PDE1B: variants seen among roughly 807,000 people sequenced by gnomAD.
PDE1B encodes dual specificity calcium/calmodulin-dependent 3',5'-cyclic nucleotide phosphodiesterase 1B.
A neutral mutation model predicts 66.7 loss-of-function variants in PDE1B; 13 were observed. The ratio of observed to expected loss-of-function variants is 0.19; its 90% CI spans 0.13 to 0.31. The LOEUF (loss-of-function observed/expected upper bound fraction) is 0.31. Among genes scored for constraint, PDE1B ranks in the 10% least tolerant of loss-of-function variants. The pLI is 1.00. For missense variants in PDE1B, 485 were observed against 682.3 expected (o/e 0.71, Z 3.22); for synonymous variants, 230 against 253.9 (o/e 0.91, Z 0.90).
Position 54,577,222 on chromosome 12 carries a change from C to T in PDE1B, c.1508-3C>T, listed in dbSNP as rs781673925. 1.4e-5 allele frequency: 23 copies of T among 1,612,274 alleles called. No homozygotes were observed. The highest frequency in any genetic ancestry group is 3.3e-5 in the Admixed American group (2 of 59,954). On this transcript the variant is annotated splice_region_variant and splice_polypyrimidine_tract_variant and intron_variant, in intron 14 of 15. Transcript: ENST00000243052. ...GCTCAGCCTCCTTTATGCTCCTCTA[C>T]AGGCATCACCAACCAGATGTCCATT...
intron 15 of PDE1B, 50 bp downstream of exon 15, chr12:54,577,395 A>C: frequency 6.2e-7 from 1 of 1,608,866 alleles, no homozygotes; most frequent in South Asian, 1.1e-5. Flanking sequence ...CTATCATGGC[A>C]TCTTTGTTGG....
At chr12:54,561,062 G>T (rs1002325499) in intron 2 of PDE1B, among the ~76,000 whole-genome samples, 1 of 152,100 alleles carries the variant, frequency 6.6e-6, no homozygotes, top group Admixed American at 6.5e-5. Context: ...GTGGGTTAAA[G>T]CTCGTTTTGA....
At chr12:54,574,068 A>T in intron 10 of PDE1B, 1 of 244,138 alleles carries the variant, frequency 4.1e-6, no homozygotes, top group East Asian at 9.8e-5. Flanking sequence ...ATTACCTCTG[A>T]AATGGTGAAA....
intron 2 of PDE1B, among the ~76,000 whole-genome samples, chr12:54,566,279 A>T (rs1000041635): frequency 2.0e-5 from 3 of 152,222 alleles, no homozygotes; most frequent in African/African-American, 7.2e-5. Flanking sequence ...GGATGGGTAC[A>T]GTAACTCTGT....
At chr12:54,566,531 T>C (rs567251644) in intron 2 of PDE1B, among the ~76,000 whole-genome samples, 26 of 152,326 alleles carry the variant, frequency 1.7e-4, no homozygotes, top group African/African-American at 6.3e-4. Context: ...TTGGGGGCTA[T>C]CTTGATTGCT....
chr12:54,574,928 T>C (rs1957703492), intron 10 of PDE1B, 170 bp from the exon 11 acceptor site: 1 of 510,234 alleles, frequency 2.0e-6, no homozygotes, highest in African/African-American at 2.0e-5. Flanking sequence ...TGAGCTGAGA[T>C]TGTGCCACTG....
Position 54,575,651 on chromosome 12 carries a change from A to T in PDE1B, c.1267+19A>T. 6.6e-7 allele frequency: 1 copy of T among 1,524,848 alleles called. No individual in the cohort carries two copies. Among genetic ancestry groups the T allele is most frequent in the Non-Finnish European group, 9.1e-7 (1 of 1,101,688 alleles). The allele number at this position is 1,524,848 out of a possible 1,614,324, so 94.5% of individuals were successfully genotyped here. On this transcript the variant is annotated intron_variant, in intron 12 of 15. Transcript: ENST00000243052. This position sits in a 1 kb window ranked among gnomAD's most constrained non-coding sequence, Gnocchi z 4.0. Reference sequence around the variant, plus strand: ...CAGATAGGTGAGTGTCCTCTCCTGCAGGAAGGGGAGGACTGGGAGGGGGAA... The same window carrying T: ...CAGATAGGTGAGTGTCCTCTCCTGCTGGAAGGGGAGGACTGGGAGGGGGAA...
rs1225352307 is a variant in PDE1B at position 54,569,461 on chromosome 12, C to G, written c.411-85C>G. The G allele has an allele frequency of 6.4e-7, 1 of 1,572,630 alleles. No individual in the cohort carries two copies. Among genetic ancestry groups the G allele is most frequent in the Non-Finnish European group, 8.7e-7 (1 of 1,144,624 alleles). ...TCCATGACCACCAGCCATATGATCC[C>G]ATGGCTCATCCCCACATCCCCAGCT... is the stretch of plus-strand genomic sequence containing the variant. On this transcript the variant is annotated intron_variant, in intron 4 of 15. Coordinates refer to ENST00000243052, the MANE Select transcript of PDE1B (RefSeq NM_000924.4). The surrounding 1 kb of genome is among the most constrained non-coding windows in gnomAD (Gnocchi z 4.4).
chr12:54,573,751 G>A lies in PDE1B; in HGVS notation c.1064+42G>A. The A allele has an allele frequency of 6.8e-7, 1 of 1,465,246 alleles. No homozygotes were observed. The highest frequency in any genetic ancestry group is 9.6e-7 in the Non-Finnish European group (1 of 1,045,610). The allele number at this position is 1,465,246 out of a possible 1,614,324, so 90.8% of individuals were successfully genotyped here. A position where few individuals can be genotyped will look rare whatever the true frequency, so the allele number is the denominator to read the frequency against. The stretch of plus-strand genomic sequence containing the variant: ...TGTGGCTGGGGCCAGGCCAGAGGGA[G>A]GGGTGTGTGAACTGGGGGGGTATAC... On this transcript the variant is annotated intron_variant, in intron 10 of 15. Coordinates refer to ENST00000243052, the MANE Select transcript of PDE1B (RefSeq NM_000924.4). This position sits in a 1 kb window ranked among gnomAD's most constrained non-coding sequence, Gnocchi z 5.2.
At chr12:54,577,065 A>G in intron 14 of PDE1B, 160 bp from the exon 15 acceptor site, 1 of 680,704 alleles carries the variant, frequency 1.5e-6, no homozygotes, top group Non-Finnish European at 2.5e-6. Flanking sequence ...AGTTTTAGCA[A>G]GGCTGGAGAG....
In PDE1B at chr12:54,560,649, C is replaced by T. The variant is rs1160375361; in HGVS notation, c.114-6325C>T. ...TGGAGCTGCAGAGGCTGGGTTCTTC[C>T]CTCCCCAACCTTGGCGAAAGCAAAG... is the stretch of plus-strand genomic sequence containing the variant. On this transcript the variant is annotated intron_variant, in intron 2 of 15. Transcript: ENST00000243052. Among the ~76,000 whole-genome samples the T allele has an allele frequency of 2.6e-5, 4 of 152,186 alleles. No homozygotes were observed. In the South Asian group the frequency reaches 6.2e-4, roughly 24 times the overall value.
At chr12:54,563,026 G>A (rs140478821) in intron 2 of PDE1B, among the ~76,000 whole-genome samples, 12 of 152,234 alleles carry the variant, frequency 7.9e-5, no homozygotes, top group African/African-American at 2.4e-4. Flanking sequence ...AGAAACCCTG[G>A]CTCAGAAATC....
Position 54,573,085 on chromosome 12 carries a change from AGGTTCCT to A in PDE1B, c.736-60_736-54del. 1 of 1,164,046 alleles carries A rather than the reference AGGTTCCT, an allele frequency of 8.6e-7. No homozygotes were observed. The highest frequency in any genetic ancestry group is 1.7e-5 in the Admixed American group (1 of 59,250). 72.1% of individuals were successfully genotyped at this position (1,164,046 alleles called of 1,614,324 possible). A position where few individuals can be genotyped will look rare whatever the true frequency, so the allele number is the denominator to read the frequency against. ...GATGAGTGATCTAGCCTGTGTGTGG[AGGTTCCT>A]GGGAAGTGACCAGCAGGCGTCACCC... is the stretch of plus-strand genomic sequence containing the variant. On this transcript the variant is annotated intron_variant, in intron 7 of 15. Coordinates refer to ENST00000243052, the MANE Select transcript of PDE1B (RefSeq NM_000924.4). This position sits in a 1 kb window ranked among gnomAD's most constrained non-coding sequence, Gnocchi z 5.2.
intron 14 of PDE1B, 175 bp downstream of exon 14, chr12:54,576,876 G>T: frequency 1.5e-6 from 1 of 685,228 alleles, no homozygotes; most frequent in Non-Finnish European, 2.5e-6. Context: ...GGCCTGGAAT[G>T]TTCTAAGAAT....
Position 54,569,651 on chromosome 12 carries a change from G to C in PDE1B, c.477+39G>C, listed in dbSNP as rs1284894111. Reference sequence around the variant, plus strand: ...TTTTGGGAAAGAGGAGAAAGTTAGGGGATGGAATAGCCACTGGGACTTCTA... The same window carrying C: ...TTTTGGGAAAGAGGAGAAAGTTAGGCGATGGAATAGCCACTGGGACTTCTA... On this transcript the variant is annotated intron_variant, in intron 5 of 15. Transcript: ENST00000243052. The surrounding 1 kb of genome is among the most constrained non-coding windows in gnomAD (Gnocchi z 4.4). 1 of 1,398,796 alleles carries C rather than the reference G, an allele frequency of 7.1e-7. No homozygotes were observed. Among genetic ancestry groups the C allele is most frequent in the Non-Finnish European group, 1.0e-6 (1 of 983,672 alleles). 86.6% of individuals were successfully genotyped at this position (1,398,796 alleles called of 1,614,324 possible).
At position 54,570,310 on chromosome 12, in the gene PDE1B, A is replaced by G. The variant is rs1364776591; in HGVS notation, c.547A>G (p.Ile183Val). Reference protein sequence around the residue: ...QAADDHALRTIVFELLTRHNL... With the variant: ...QAADDHALRTVVFELLTRHNL... ...AGCAGATGACCATGCCCTGAGGACCATTGTTTTTGAGTTGCTGACTCGGCA... is the reference window on the plus strand; with the variant it reads ...AGCAGATGACCATGCCCTGAGGACCGTTGTTTTTGAGTTGCTGACTCGGCA... The change falls in exon 6 of 16, where the codon ATT (isoleucine) becomes GTT (valine). Residue 183 changes from isoleucine (I) to valine (V), a missense_variant. By Grantham distance (29) the Ile-to-Val change is conservative. Coordinates refer to ENST00000243052, the MANE Select transcript of PDE1B (RefSeq NM_000924.4). 1 of 1,613,596 alleles carries G rather than the reference A, an allele frequency of 6.2e-7. No homozygotes were observed. Among genetic ancestry groups the G allele is most frequent in the East Asian group, 2.2e-5 (1 of 44,874 alleles).
intron 2 of PDE1B, chr12:54,554,406 A>T (rs1173756251): frequency 6.6e-6 from 1 of 152,172 alleles, no homozygotes; most frequent in African/African-American, 2.4e-5. Context: ...TGCTATCCTC[A>T]GCAGATTAGT....
At chr12:54,551,767 G>A (rs939192365) in intron 2 of PDE1B, among the ~76,000 whole-genome samples, 1 of 152,174 alleles carries the variant, frequency 6.6e-6, no homozygotes, top group African/African-American at 2.4e-5. Context: ...AGTGGTGAGA[G>A]AAGAGGATTC....
At chr12:54,568,467 TACACAC>T (rs56360853) in intron 3 of PDE1B, among the ~76,000 whole-genome samples, 278 of 143,480 alleles carry the variant, frequency 1.9e-3, no homozygotes, top group Middle Eastern at 3.5e-3. Flanking sequence ...TGTCTAAAAA[TACACAC>T]ACACACACAC....
Sources: gnomAD v4.1 joint callset for allele counts (sites outside exome capture counted in the v4.1 genomes callset) on GRCh38, gnomAD v4.1.1 for gene constraint, Gnocchi (gnomAD v3.1) non-coding constraint, MANE v1.5 for transcripts, NCBI Gene and HGNC (gene_info 2026-07-23, HGNC 2026-07-21) for gene names.